The following APBB2 variants were observed in gnomAD, a reference collection of about 807,000 sequenced individuals.
APBB2 encodes Fe65-like 1.
APBB2 carries 38 observed loss-of-function variants against 82.5 expected under a neutral mutation model. The ratio of observed to expected loss-of-function variants is 0.46; its 90% CI spans 0.36 to 0.60. The LOEUF (loss-of-function observed/expected upper bound fraction) is 0.60, where lower values mean the gene tolerates loss of function less well. APBB2 is among the 20% of genes least tolerant of loss of function. APBB2 has a pLI of 0.00. For synonymous variants in APBB2, 341 were observed against 368.2 expected, an observed-to-expected ratio of 0.93 and a Z score of 0.85; for missense variants, 772 against 972.3, an observed-to-expected ratio of 0.79 and a Z score of 2.74.
chr4:40,982,309 A>AAG (rs1560447022), intron 6 of APBB2, among the ~76,000 whole-genome samples: 3 of 26,832 alleles, frequency 1.1e-4, no homozygotes, highest in Non-Finnish European at 1.7e-4. Flanking sequence ...AAGGAAGGAA[A>AAG]GAAAGAAAGA....
intron 11 of APBB2, chr4:40,892,428 C>T (rs1022961161): frequency 6.6e-5 from 10 of 152,216 alleles, no homozygotes; most frequent in African/African-American, 2.2e-4. Flanking sequence ...AGGAGACAAA[C>T]TCCACCATGG....
Position 40,888,565 on chromosome 4 carries a change from C to T in APBB2, c.1529+1799G>A, listed in dbSNP as rs61489401. Among the ~76,000 whole-genome samples, 636 of 150,318 alleles carry T rather than the reference C, an allele frequency of 4.2e-3. 4 individuals carry two copies. Among genetic ancestry groups the T allele is most frequent in the African/African-American group, 0.014 (574 of 40,508 alleles). ...CACACTTTGGCCCCTGTCTCGCACACGTATGTAGTGTCACAAGCTCCACAC... is the reference window on the plus strand; with the variant it reads ...CACACTTTGGCCCCTGTCTCGCACATGTATGTAGTGTCACAAGCTCCACAC... On this transcript the variant is annotated intron_variant, in intron 12 of 17. Transcript: ENST00000508593.
At chr4:40,914,857 A>G (rs953722416) in intron 10 of APBB2, among the ~76,000 whole-genome samples, 7 of 152,118 alleles carry the variant, frequency 4.6e-5, no homozygotes, top group Non-Finnish European at 8.8e-5. Flanking sequence ...ATTACTCTTA[A>G]GCTTTCTAGA....
intron 4 of APBB2, among the ~76,000 whole-genome samples, chr4:41,044,342 A>C (rs1004972664): frequency 5.9e-5 from 9 of 152,158 alleles, no homozygotes; most frequent in African/African-American, 2.2e-4. Flanking sequence ...ACATATTTGC[A>C]ATTTTATTTT....
intron 5 of APBB2, among the ~76,000 whole-genome samples, chr4:41,028,528 A>C (rs1715406794): frequency 6.6e-6 from 1 of 152,244 alleles, no homozygotes; most frequent in Non-Finnish European, 1.5e-5. Flanking sequence ...GACTGTACCA[A>C]AGAAAGCGAA....
intron 12 of APBB2, among the ~76,000 whole-genome samples, chr4:40,876,106 T>C (rs141565136): frequency 1.1e-3 from 161 of 152,376 alleles, no homozygotes; most frequent in African/African-American, 3.7e-3. Flanking sequence ...CAGCCTTTCT[T>C]AGGTTCCTTT....
chr4:40,822,058 A>G lies in APBB2; in HGVS notation c.1933-8T>C. On this transcript the variant is annotated splice_polypyrimidine_tract_variant and splice_region_variant and intron_variant, in intron 16 of 17. Transcript: ENST00000508593. ...TAAGACTTCCTCTTCATTCTGCAAG[A>G]GACATTATGCGGCATCCAATCAGGA... 1.9e-6 allele frequency: 3 copies of G among 1,614,018 alleles called. 1 individual carries two copies. In the South Asian group the frequency reaches 3.3e-5, roughly 18 times the overall value.
intron 6 of APBB2, among the ~76,000 whole-genome samples, chr4:41,000,007 C>G (rs1031335998): frequency 6.9e-6 from 1 of 144,162 alleles, no homozygotes. Flanking sequence ...GGTAAAACCC[C>G]GTATTTACAA....
intron 2 of APBB2, among the ~76,000 whole-genome samples, chr4:41,126,327 T>C (rs1331369899): frequency 2.0e-5 from 3 of 151,998 alleles, no homozygotes. Flanking sequence ...AAGGCTACAG[T>C]AAGCTGTTTC....
At chr4:41,041,257 T>C (rs989120382) in intron 4 of APBB2, among the ~76,000 whole-genome samples, 2 of 152,152 alleles carry the variant, frequency 1.3e-5, no homozygotes, top group Admixed American at 6.5e-5. Flanking sequence ...AACAGTCAAC[T>C]ATTTAAAAAA....
chr4:41,004,547 T>G (rs1806141080), intron 6 of APBB2, among the ~76,000 whole-genome samples: 1 of 151,964 alleles, frequency 6.6e-6, no homozygotes, highest in African/African-American at 2.4e-5. Flanking sequence ...CTTTTAAAAA[T>G]GACTGGCATG....
At chr4:41,141,322 G>A (rs1560860635) in intron 2 of APBB2, among the ~76,000 whole-genome samples, 1 of 59,082 alleles carries the variant, frequency 1.7e-5, no homozygotes, top group Non-Finnish European at 3.4e-5. Context: ...GTCTGTGTGT[G>A]TGTGTGTGTC....
At chr4:41,142,559 C>T (rs1197714016) in intron 2 of APBB2, among the ~76,000 whole-genome samples, 1 of 152,178 alleles carries the variant, frequency 6.6e-6, no homozygotes, top group East Asian at 1.9e-4. Context: ...CTCCATGCCC[C>T]ACCCTTCAAA....
At chr4:41,115,421 T>A (rs1227169247) in intron 2 of APBB2, among the ~76,000 whole-genome samples, 1 of 152,164 alleles carries the variant, frequency 6.6e-6, no homozygotes, top group African/African-American at 2.4e-5. Context: ...GGCAAAGACT[T>A]CATGACTAAA....
intron 10 of APBB2, among the ~76,000 whole-genome samples, chr4:40,919,305 C>A (rs764970155): frequency 2.0e-5 from 3 of 152,184 alleles, no homozygotes; most frequent in Non-Finnish European, 2.9e-5. Flanking sequence ...GCGACAAACA[C>A]CCCCATTAAC....
rs1316636491 is a variant in APBB2 at position 40,890,435 on chromosome 4, C to T, written c.1458G>A (p.Met486Ile). ...GCTGCGAGTGCAGCACGCTGCGGTC[C>T]ATGGGGTCCACCAGGCTGAGCATGT... The part of the protein sequence containing the change: ...ENDMLSLVDP[M>I]DRSVLHSQPI... The change falls in exon 12 of 18, where the codon ATG (methionine) becomes ATA (isoleucine). Residue 486 changes from methionine (M) to isoleucine (I), a missense_variant. Physicochemically the swap from Met to Ile is conservative, Grantham distance 10. Transcript: ENST00000508593. 3 of 1,613,994 alleles carry T rather than the reference C, an allele frequency of 1.9e-6. No homozygotes were observed. Among genetic ancestry groups the T allele is most frequent in the Non-Finnish European group, 2.5e-6 (3 of 1,180,018 alleles).
At chr4:40,983,618 C>A (rs1400879418) in intron 6 of APBB2, among the ~76,000 whole-genome samples, 2 of 151,980 alleles carry the variant, frequency 1.3e-5, no homozygotes, top group Non-Finnish European at 2.9e-5. Context: ...CACTCTGTTG[C>A]CCAGGCTGGA....
At chr4:41,094,063 A>G (rs1166862655) in intron 3 of APBB2, among the ~76,000 whole-genome samples, 1 of 152,184 alleles carries the variant, frequency 6.6e-6, no homozygotes, top group Non-Finnish European at 1.5e-5. Context: ...CACAATGTAT[A>G]CATATTTCAA....
intron 6 of APBB2, among the ~76,000 whole-genome samples, chr4:40,981,326 G>A (rs945357671): frequency 4.6e-5 from 7 of 151,884 alleles, no homozygotes; most frequent in African/African-American, 1.7e-4. Flanking sequence ...GGTTTACAGT[G>A]AGCTGAGATC....
Sources: gnomAD v4.1 joint callset for allele counts (sites outside exome capture counted in the v4.1 genomes callset) on GRCh38, gnomAD v4.1.1 for gene constraint, MANE v1.5 for transcripts, NCBI Gene and HGNC (gene_info 2026-07-23, HGNC 2026-07-21) for gene names.